Variants in NTM observed in about 807,000 individuals in gnomAD.
The protein encoded by NTM is neurotrimin, also known as IgLON family member 2.
NTM carries 13 observed loss-of-function variants against 42.1 expected under a neutral mutation model. The observed-to-expected ratio is 0.31, with a 90% CI of 0.20 to 0.49. The LOEUF is 0.49. Among genes scored for constraint, NTM ranks in the 20% least tolerant of loss-of-function variants. NTM has a pLI of 0.99. For synonymous variants in NTM, 187 were observed against 179.2 expected (o/e 1.04, Z -0.35); for missense variants, 373 against 452.8 (o/e 0.82, Z 1.60).
At chr11:131,418,692 G>A (rs912368708) in intron 1 of NTM, among the ~76,000 whole-genome samples, 2 of 152,192 alleles carry the variant, frequency 1.3e-5, no homozygotes, top group Non-Finnish European at 1.5e-5. Context: ...CTTCTACCCT[G>A]GTAGGAGTCA....
intron 1 of NTM, among the ~76,000 whole-genome samples, chr11:131,641,197 C>T (rs1274161145): frequency 1.3e-5 from 2 of 152,322 alleles, no homozygotes; most frequent in Admixed American, 1.3e-4. Flanking sequence ...TTGTTCACTA[C>T]ACTGAGGAGT....
intron 1 of NTM, among the ~76,000 whole-genome samples, chr11:131,697,801 A>T (rs1323916472): frequency 1.3e-5 from 2 of 152,136 alleles, no homozygotes; most frequent in African/African-American, 4.8e-5. Context: ...GGAGCCTAAG[A>T]AGGTGTGGTT....
At chr11:131,602,625 ACT>A (rs1269006249) in intron 1 of NTM, among the ~76,000 whole-genome samples, 2 of 152,072 alleles carry the variant, frequency 1.3e-5, no homozygotes, top group African/African-American at 4.8e-5. Context: ...TATGTTAATG[ACT>A]CTCAAATTTA....
intron 1 of NTM, among the ~76,000 whole-genome samples, chr11:131,503,527 A>G (rs930220191): frequency 6.8e-6 from 1 of 146,082 alleles, no homozygotes; most frequent in Admixed American, 6.8e-5. Flanking sequence ...TGAGGTTACA[A>G]TTTTTTTTTT....
intron 2 of NTM, among the ~76,000 whole-genome samples, chr11:132,039,171 A>G (rs933161130): frequency 1.3e-5 from 2 of 152,078 alleles, no homozygotes; most frequent in Non-Finnish European, 2.9e-5. Context: ...CTCCAGCAGC[A>G]CTGCCTCCCA....
At chr11:131,495,544 G>A (rs555792844) in intron 1 of NTM, among the ~76,000 whole-genome samples, 5 of 152,344 alleles carry the variant, frequency 3.3e-5, no homozygotes, top group East Asian at 1.9e-4. Flanking sequence ...CCGCCTATGC[G>A]GTGCTGGGCC....
At chr11:131,527,065 T>TC (rs2050595534) in intron 1 of NTM, among the ~76,000 whole-genome samples, 1 of 152,156 alleles carries the variant, frequency 6.6e-6, no homozygotes, top group African/African-American at 2.4e-5. Context: ...GGCAACCTCT[T>TC]ACAAGTCTCA....
intron 2 of NTM, among the ~76,000 whole-genome samples, chr11:131,937,948 C>T (rs1330560979): frequency 6.6e-6 from 1 of 152,144 alleles, no homozygotes; most frequent in African/African-American, 2.4e-5. Flanking sequence ...CTGAGCCAAG[C>T]CTGAAAATAA....
rs945395583 is a variant in NTM, at chr11:131,563,171, C to G, written c.82+192283C>G. 3.3e-5 allele frequency among the ~76,000 whole-genome samples: 5 copies of G among 152,180 alleles called. 1 individual carries two copies. The highest frequency in any genetic ancestry group is 3.3e-4 in the Admixed American group (5 of 15,272). On this transcript the variant is annotated intron_variant, in intron 1 of 8. Transcript: ENST00000683400. ...CAAGGCTTAATTAATTAATGTTTGG[C>G]AAAGCTTCCTAGACCTTTGCTTGAA...
intron 1 of NTM, among the ~76,000 whole-genome samples, chr11:131,612,010 G>A (rs1044909177): frequency 1.3e-5 from 2 of 152,174 alleles, no homozygotes; most frequent in Admixed American, 6.5e-5. Flanking sequence ...AAATGGCAGA[G>A]GTGATGGCAT....
chr11:131,934,066 C>T (rs2058945110), intron 2 of NTM, among the ~76,000 whole-genome samples: 1 of 152,246 alleles, frequency 6.6e-6, no homozygotes, highest in South Asian at 2.1e-4. Flanking sequence ...TCCCAAGGTC[C>T]TGTGTTCTAA....
chr11:131,593,109 A>G (rs2059525608), intron 1 of NTM, among the ~76,000 whole-genome samples: 1 of 152,136 alleles, frequency 6.6e-6, no homozygotes, highest in African/African-American at 2.4e-5. Context: ...CAAAAAGCAA[A>G]CTATTATTTA....
chr11:131,607,613 G>C (rs567964680), intron 1 of NTM, among the ~76,000 whole-genome samples: 1 of 152,170 alleles, frequency 6.6e-6, no homozygotes, highest in African/African-American at 2.4e-5. Context: ...AGCAGAGCCT[G>C]CCTGTAATGA....
intron 2 of NTM, among the ~76,000 whole-genome samples, chr11:131,925,383 C>CTTTTTTTT (rs61493262): frequency 9.0e-6 from 1 of 111,450 alleles, no homozygotes; most frequent in Non-Finnish European, 1.8e-5. Flanking sequence ...TTTCTTTTCT[C>CTTTTTTTT]TTTTTTTTTT....
intron 1 of NTM, chr11:131,774,124 T>G: frequency 1.0e-6 from 1 of 985,228 alleles, no homozygotes; most frequent in African/African-American, 1.7e-5. Context: ...TACTTAATCA[T>G]CAGCGAATTC....
chr11:131,673,893 C>A (rs924735061), intron 1 of NTM, among the ~76,000 whole-genome samples: 2 of 152,208 alleles, frequency 1.3e-5, no homozygotes, highest in African/African-American at 2.4e-5. Flanking sequence ...CACCTCCACT[C>A]CCCCGTCTGT....
At chr11:131,467,835 A>G (rs1177718196) in intron 1 of NTM, among the ~76,000 whole-genome samples, 1 of 152,228 alleles carries the variant, frequency 6.6e-6, no homozygotes, top group East Asian at 1.9e-4. Context: ...GGAAGTTTCC[A>G]GAGAGTCTGT....
At chr11:131,424,867 CTTT>C (rs759720917) in intron 1 of NTM, among the ~76,000 whole-genome samples, 1 of 138,534 alleles carries the variant, frequency 7.2e-6, no homozygotes, top group Non-Finnish European at 1.6e-5. Flanking sequence ...CCACGCCCAG[CTTT>C]TTTTTTTTTT....
In NTM at chr11:132,243,879, C is replaced by T. The variant is rs532475792; in HGVS notation, c.526+31732C>T. 2.5e-3 allele frequency among the ~76,000 whole-genome samples: 388 copies of T among 152,284 alleles called. 4 individuals carry two copies. Among genetic ancestry groups the T allele is most frequent in the Middle Eastern group, 0.01 (3 of 294 alleles). ...CCAGCCCTGCAGCATGGCCCTGAGCCCTCACAGGCCCAGAGCAGAGGCAGG... is the reference window on the plus strand; with the variant it reads ...CCAGCCCTGCAGCATGGCCCTGAGCTCTCACAGGCCCAGAGCAGAGGCAGG... On this transcript the variant is annotated intron_variant, in intron 4 of 8. Transcript: ENST00000683400.
Sources: allele counts gnomAD v4.1 joint callset (sites outside exome capture counted in the v4.1 genomes callset), GRCh38; gene constraint gnomAD v4.1.1; transcripts MANE v1.5; gene names NCBI Gene and HGNC (gene_info 2026-07-23, HGNC 2026-07-21).